Variants in PRKCQ observed in about 807,000 individuals in gnomAD.
The protein encoded by PRKCQ is protein kinase C theta type.
Under a neutral mutation model 91.2 loss-of-function variants are expected in PRKCQ, and 41 were observed. That is an observed-to-expected ratio of 0.45 (90% CI 0.35 to 0.58). The LOEUF (loss-of-function observed/expected upper bound fraction) is 0.58, where lower values mean the gene tolerates loss of function less well. PRKCQ is among the 20% of genes least tolerant of loss of function. The pLI, the probability that PRKCQ is intolerant of heterozygous loss-of-function variation, is 0.00. For synonymous variants in PRKCQ, 307 were observed against 316.9 expected (o/e 0.97, Z 0.33); for missense variants, 673 against 896.5 (o/e 0.75, Z 3.18).
the PRKCQ span, among the ~76,000 whole-genome samples, chr10:6,404,255 G>GA: frequency 3.5e-3 from 121 of 34,366 alleles, 4 homozygotes; most frequent in East Asian, 0.029. Flanking sequence ...GAAGGGGGGG[G>GA]GAGAGAGAGA....
At chr10:6,416,614 T>C in the PRKCQ span, among the ~76,000 whole-genome samples, 19 of 152,352 alleles carry the variant, frequency 1.2e-4, no homozygotes, top group African/African-American at 4.3e-4. Context: ...ACTCATTGGT[T>C]GATGGGCACT....
chr10:6,498,833 C>T (rs1278703948), intron 4 of PRKCQ, among the ~76,000 whole-genome samples: 2 of 152,126 alleles, frequency 1.3e-5, no homozygotes, highest in South Asian at 2.1e-4. Context: ...CTGGGCTGAG[C>T]GATATATCCT....
At chr10:6,508,412 G>A (rs575679408) in intron 3 of PRKCQ, among the ~76,000 whole-genome samples, 68 of 152,308 alleles carry the variant, frequency 4.5e-4, no homozygotes, top group African/African-American at 1.3e-3. Flanking sequence ...AATCTGAATC[G>A]TGGCTAAATA....
At chr10:6,415,748 T>TCTC in the PRKCQ span, among the ~76,000 whole-genome samples, 314 of 22,748 alleles carry the variant, frequency 0.014, no homozygotes, top group African/African-American at 0.024. Context: ...CTCTCTCTCT[T>TCTC]TTTTTTTTTT....
chr10:6,553,700 C>T (rs974613450), intron 1 of PRKCQ, among the ~76,000 whole-genome samples: 6 of 151,902 alleles, frequency 3.9e-5, no homozygotes, highest in South Asian at 2.1e-4. Flanking sequence ...TTGAGAGTTT[C>T]GATAGAATAC....
Position 6,430,667 on chromosome 10 carries a change from G to A in PRKCQ, c.1965+143C>T. On this transcript the variant is annotated intron_variant, in intron 17 of 17. Transcript: ENST00000263125. This position sits in a 1 kb window ranked among gnomAD's most constrained non-coding sequence, Gnocchi z 4.7. ...CACCAGCCCAGTAACATGTGTTAGAGACGTGCATTCCTCCTGGAGAGTGGG... is the reference window on the plus strand; with the variant it reads ...CACCAGCCCAGTAACATGTGTTAGAAACGTGCATTCCTCCTGGAGAGTGGG... The A allele has an allele frequency of 8.1e-7, 1 of 1,234,292 alleles. No individual in the cohort carries two copies. The highest frequency in any genetic ancestry group is 1.1e-6 in the Non-Finnish European group (1 of 887,396). 76.5% of individuals were successfully genotyped at this position (1,234,292 alleles called of 1,614,324 possible).
the PRKCQ span, among the ~76,000 whole-genome samples, chr10:6,395,553 T>C: frequency 1.3e-5 from 2 of 152,146 alleles, no homozygotes; most frequent in Non-Finnish European, 2.9e-5. Flanking sequence ...TCCCGTAGCC[T>C]CCAATTGCGT....
intron 1 of PRKCQ, among the ~76,000 whole-genome samples, chr10:6,528,417 C>T (rs1839274448): frequency 6.6e-6 from 1 of 152,150 alleles, no homozygotes; most frequent in South Asian, 2.1e-4. Flanking sequence ...GGCGCATCCT[C>T]CTCGGTTGGC....
chr10:6,474,973 A>G (rs1173883991), intron 12 of PRKCQ, among the ~76,000 whole-genome samples: 1 of 152,194 alleles, frequency 6.6e-6, no homozygotes, highest in Non-Finnish European at 1.5e-5. Flanking sequence ...TATTAACAAC[A>G]AAGAAATGTT....
Position 6,497,605 on chromosome 10 carries a change from G to A in PRKCQ, c.543-354C>T, listed in dbSNP as rs75693930. 3.9e-5 allele frequency among the ~76,000 whole-genome samples: 6 copies of A among 152,140 alleles called. No individual in the cohort carries two copies. Among genetic ancestry groups the A allele is most frequent in the Admixed American group, 1.3e-4 (2 of 15,284 alleles). ...TGGCCTCGCTGAGCTCACTACAGAC[G>A]AACAAAGACATCTGTAACATTTTAT... On this transcript the variant is annotated intron_variant, in intron 5 of 17. Transcript: ENST00000263125. The surrounding 1 kb of genome is among the most constrained non-coding windows in gnomAD (Gnocchi z 4.5).
At chr10:6,445,466 T>C (rs6602705) in intron 15 of PRKCQ, among the ~76,000 whole-genome samples, 83,813 of 151,978 alleles carry the variant, frequency 0.55, 23,794 homozygotes, top group Admixed American at 0.69. Context: ...TCACCCTTCT[T>C]GTTTGTGAAA....
intron 1 of PRKCQ, among the ~76,000 whole-genome samples, chr10:6,518,390 T>C (rs1010899347): frequency 6.4e-4 from 97 of 152,288 alleles, no homozygotes; most frequent in African/African-American, 2.3e-3. Flanking sequence ...GTATTTAAGC[T>C]CTTTTGAACA....
chr10:6,525,288 T>TA (rs907731028), intron 1 of PRKCQ, among the ~76,000 whole-genome samples: 6 of 152,002 alleles, frequency 3.9e-5, no homozygotes, highest in Non-Finnish European at 5.9e-5. Flanking sequence ...AATGGAAATT[T>TA]AAAAAAAGGC....
At chr10:6,459,111 G>A (rs1835187004) in intron 14 of PRKCQ, among the ~76,000 whole-genome samples, 1 of 152,072 alleles carries the variant, frequency 6.6e-6, no homozygotes, top group African/African-American at 2.4e-5. Context: ...GCCTTTCCTG[G>A]AGTCACTTCT....
chr10:6,402,669 C>G, the PRKCQ span, among the ~76,000 whole-genome samples: 1 of 152,214 alleles, frequency 6.6e-6, no homozygotes, highest in Non-Finnish European at 1.5e-5. Flanking sequence ...GGCAGGGTGG[C>G]TCATGCCCGT....
chr10:6,519,441 C>T (rs981763031), intron 1 of PRKCQ, among the ~76,000 whole-genome samples: 2 of 152,164 alleles, frequency 1.3e-5, no homozygotes, highest in East Asian at 1.9e-4. Context: ...GGCATCACAA[C>T]CTCCTAAATT....
chr10:6,479,093 T>A lies in PRKCQ; in HGVS notation c.1252A>T (p.Met418Leu). The A allele has an allele frequency of 6.2e-7, 1 of 1,614,240 alleles. No individual in the cohort carries two copies. The highest frequency in any genetic ancestry group is 8.5e-7 in the Non-Finnish European group (1 of 1,180,038). Residue 418 changes from methionine (M) to leucine (L), a missense_variant, in exon 12 of 18, where the codon ATG (methionine) becomes TTG (leucine). Physicochemically the swap from Met to Leu is conservative, Grantham distance 15. Transcript: ENST00000263125. The part of the protein sequence containing the change: ...IKALKKDVVL[M>L]DDDVECTMVE... ...ATCGTGCACTCAACATCATCGTCCATCAAGACCACATCTTTCTTTAAGGCC... is the reference window on the plus strand; with the variant it reads ...ATCGTGCACTCAACATCATCGTCCAACAAGACCACATCTTTCTTTAAGGCC...
At chr10:6,464,696 C>T (rs1835547176) in intron 12 of PRKCQ, among the ~76,000 whole-genome samples, 1 of 152,206 alleles carries the variant, frequency 6.6e-6, no homozygotes, top group Admixed American at 6.5e-5. Flanking sequence ...GATCCGCCCA[C>T]CTTGGCCTCC....
intron 1 of PRKCQ, among the ~76,000 whole-genome samples, chr10:6,578,963 A>G (rs1172067311): frequency 6.6e-6 from 1 of 152,218 alleles, no homozygotes; most frequent in Non-Finnish European, 1.5e-5. Flanking sequence ...CTCGGGCAAG[A>G]AGGGCCCAGT....
Sources: gnomAD v4.1 joint callset for allele counts (sites outside exome capture counted in the v4.1 genomes callset) on GRCh38, gnomAD v4.1.1 for gene constraint, Gnocchi (gnomAD v3.1) non-coding constraint, MANE v1.5 for transcripts, NCBI Gene and HGNC (gene_info 2026-07-23, HGNC 2026-07-21) for gene names.